Variants in PLCXD1 observed in about 807,000 individuals in gnomAD.
The protein encoded by PLCXD1 is phosphatidylinositol specific phospholipase C X domain containing 1, also known as PI-PLC X domain-containing protein 1.
Under a neutral mutation model 37.8 loss-of-function variants are expected in PLCXD1, and 45 were observed. The ratio of observed to expected loss-of-function variants is 1.19; its 90% CI spans 0.94 to 1.53. PLCXD1 has a LOEUF of 1.53. PLCXD1 is among the 40% of genes most tolerant of loss of function. The pLI, the probability that PLCXD1 is intolerant of heterozygous loss-of-function variation, is 0.00. For synonymous variants in PLCXD1, 246 were observed against 206.9 expected (o/e 1.19, Z -1.62); for missense variants, 539 against 454.7 (o/e 1.19, Z -1.69).
chrX:288,380 G>T (rs1469141940), intron 2 of PLCXD1, among the ~76,000 whole-genome samples: 1 of 151,434 alleles, frequency 6.6e-6, no homozygotes, highest in African/African-American at 2.4e-5. Context: ...TGGGCTTGTG[G>T]CCGCATCACT....
chrX:287,799 G>A (rs1039305015), intron 2 of PLCXD1, among the ~76,000 whole-genome samples: 11 of 150,498 alleles, frequency 7.3e-5, no homozygotes, highest in Admixed American at 4.0e-4. Flanking sequence ...TAACAACTAC[G>A]TGTCATAGGC....
chrX:302,646 C>T lies in PLCXD1; in HGVS notation c.*3311C>T, dbSNP rs946594588. 3 of 152,138 alleles carry T rather than the reference C, an allele frequency of 2.0e-5. No homozygotes were observed. The highest frequency in any genetic ancestry group is 7.2e-5 in the African/African-American group (3 of 41,434). 9.4% of individuals were successfully genotyped at this position (152,138 alleles called of 1,614,324 possible). ...GGAGTGTAGTAGTGTGATCCTGGCT[C>T]ACTGCAACCTCCACCTCCCGGGTTC... On this transcript the variant is annotated 3_prime_UTR_variant, in exon 7 of 7. Coordinates refer to ENST00000381657, the MANE Select transcript of PLCXD1 (RefSeq NM_018390.4).
At chrX:287,178 C>T (rs1321494849) in intron 2 of PLCXD1, among the ~76,000 whole-genome samples, 4 of 150,284 alleles carry the variant, frequency 2.7e-5, no homozygotes, top group African/African-American at 7.3e-5. Context: ...TATATACACA[C>T]ACACATTTAT....
chrX:292,208 G>C (rs1177319961), intron 5 of PLCXD1, among the ~76,000 whole-genome samples: 73 of 149,132 alleles, frequency 4.9e-4, no homozygotes, highest in African/African-American at 1.6e-3. Flanking sequence ...GTCATCCCAG[G>C]ACTTTGGGAG....
rs1420642452 is a variant in PLCXD1, at chrX:299,432, G to C, written c.*97G>C. ...TTTGGGCCAAATGTTGGTGATCATAGGACCGATGATAATACGTTTTCATTT... is the reference window on the plus strand; with the variant it reads ...TTTGGGCCAAATGTTGGTGATCATACGACCGATGATAATACGTTTTCATTT... On this transcript the variant is annotated 3_prime_UTR_variant, in exon 7 of 7. Transcript: ENST00000381657. The C allele has an allele frequency of 1.7e-5, 15 of 889,650 alleles. No homozygotes were observed. The highest frequency in any genetic ancestry group is 2.8e-5 in the Non-Finnish European group (15 of 530,924). 55.1% of individuals were successfully genotyped at this position (889,650 alleles called of 1,614,324 possible). A position where few individuals can be genotyped will look rare whatever the true frequency, so the allele number is the denominator to read the frequency against.
chrX:290,710 C>T lies in PLCXD1; in HGVS notation c.327C>T (p.His109=). ...GVRYLDLRIA[H]MLEGSEKNLH... is the part of the protein sequence containing the mutation. ...GGTACCTGGACCTGCGGATAGCCCA[C>T]ATGCTGGAGGGCTCGGAGAAGAACC... Residue 109 remains histidine (H), a synonymous_variant, in exon 4 of 7, where the codon CAC becomes CAT. Coordinates refer to ENST00000381657, the MANE Select transcript of PLCXD1 (RefSeq NM_018390.4). 1 of 1,613,758 alleles carries T rather than the reference C, an allele frequency of 6.2e-7. No individual in the cohort carries two copies. The highest frequency in any genetic ancestry group is 8.5e-7 in the Non-Finnish European group (1 of 1,179,752).
At position 284,306 on chromosome X, in the gene PLCXD1, C is replaced by G. The variant is rs748951337; in HGVS notation, c.119C>G (p.Ser40Cys). 3 of 1,613,222 alleles carry G rather than the reference C, an allele frequency of 1.9e-6. No homozygotes were observed. The highest frequency in any genetic ancestry group is 8.5e-7 in the Non-Finnish European group (1 of 1,179,848). Residue 40 changes from serine (S) to cysteine (C), a missense_variant, in exon 2 of 7, where the codon TCC becomes TGC. Ser to Cys is a moderately radical substitution (Grantham distance 112). Coordinates refer to ENST00000381657, the MANE Select transcript of PLCXD1 (RefSeq NM_018390.4). ...RLWDVPLHHLSIPGSHDTMTY... is the reference protein window; with the variant it reads ...RLWDVPLHHLCIPGSHDTMTY... ...TGGGATGTGCCCCTCCACCACCTCT[C>G]CATCCCAGGTGAGGTTGGGGTGGGG... is the stretch of plus-strand genomic sequence containing the variant.
chrX:293,130 G>A lies in PLCXD1; in HGVS notation c.645G>A (p.Trp215Ter), dbSNP rs140991275. 511 of 1,612,296 alleles carry A rather than the reference G, an allele frequency of 3.2e-4. 2 individuals are homozygous for A. In the East Asian group the frequency reaches 4.3e-3, roughly 13 times the overall value. The stretch of plus-strand genomic sequence containing the variant: ...CCTTGCGCCGGCACCACGAGCTGTG[G>A]CCAGGAGTCCCCTACTGGTGGGGAA... ...ESSLRRHHEL[W>*]PGVPYWWGNR... The change falls in exon 6 of 7, where the codon TGG (tryptophan) becomes TGA (stop). Residue 215 changes from tryptophan (W) to a stop codon, truncating the protein, a stop_gained. Coordinates refer to ENST00000381657, the MANE Select transcript of PLCXD1 (RefSeq NM_018390.4). LOFTEE classifies it high-confidence loss of function.
Position 288,889 on chromosome X carries a change from C to T in PLCXD1, c.264+20C>T. The T allele has an allele frequency of 6.2e-7, 1 of 1,610,086 alleles. No individual in the cohort carries two copies. Among genetic ancestry groups the T allele is most frequent in the Middle Eastern group, 2.2e-4 (1 of 4,598 alleles). The stretch of plus-strand genomic sequence containing the variant: ...ACCCAGGTACGGTCTGTGCCCCGTG[C>T]TGCTGACCTGGCCTGTCAGCTATGT... On this transcript the variant is annotated intron_variant, in intron 3 of 6. Transcript: ENST00000381657.
At chrX:284,829 G>A (rs1318649017) in intron 2 of PLCXD1, among the ~76,000 whole-genome samples, 1 of 152,216 alleles carries the variant, frequency 6.6e-6, no homozygotes, top group Non-Finnish European at 1.5e-5. Flanking sequence ...TGAATGCGGA[G>A]CAAAGTCACA....
Position 301,519 on chromosome X carries a change from CTG to C in PLCXD1, c.*2186_*2187del, listed in dbSNP as rs2070015764. ...GTAGTAGGGGCACAGTCATAGCTCA[CTG>C]TAACCTTCAACGCCTGGGCTGAAGC... is the stretch of plus-strand genomic sequence containing the variant. On this transcript the variant is annotated 3_prime_UTR_variant, in exon 7 of 7. Coordinates refer to ENST00000381657, the MANE Select transcript of PLCXD1 (RefSeq NM_018390.4). The C allele has an allele frequency of 6.6e-6, 1 of 152,192 alleles. No homozygotes were observed. The highest frequency in any genetic ancestry group is 1.5e-5 in the Non-Finnish European group (1 of 68,116). The allele number at this position is 152,192 out of a possible 1,614,324, so 9.4% of individuals were successfully genotyped here.
intron 2 of PLCXD1, among the ~76,000 whole-genome samples, chrX:287,736 T>C (rs2069504308): frequency 7.0e-6 from 1 of 143,326 alleles, no homozygotes; most frequent in Admixed American, 6.9e-5. Context: ...GTCATATATA[T>C]CTTAAATATA....
chrX:284,615 T>C (rs1168501492), intron 2 of PLCXD1, among the ~76,000 whole-genome samples: 6 of 141,824 alleles, frequency 4.2e-5, no homozygotes, highest in African/African-American at 8.0e-5. Context: ...CACGCACACA[T>C]GCACATCTGC....
intron 6 of PLCXD1, among the ~76,000 whole-genome samples, chrX:295,687 G>A (rs1249995713): frequency 6.6e-6 from 1 of 151,748 alleles, no homozygotes; most frequent in East Asian, 1.9e-4. Context: ...ACCACACCCG[G>A]CTAATTTTTT....
intron 3 of PLCXD1, 94 bp from the exon 4 acceptor site, chrX:290,554 A>G: frequency 7.4e-7 from 1 of 1,353,950 alleles, no homozygotes; most frequent in Non-Finnish European, 1.0e-6. Flanking sequence ...AGTGGGCAGC[A>G]GGACATGCGG....
chrX:294,375 C>G (rs920670542), intron 6 of PLCXD1, among the ~76,000 whole-genome samples: 22 of 151,038 alleles, frequency 1.5e-4, no homozygotes, highest in East Asian at 2.0e-4. Flanking sequence ...CCAGCTACTC[C>G]GGAGGCTGAG....
At chrX:291,728 G>T in intron 5 of PLCXD1, 74 bp downstream of exon 5, 4 of 1,487,664 alleles carry the variant, frequency 2.7e-6, no homozygotes, top group Non-Finnish European at 2.8e-6. Flanking sequence ...CATTTGCTGT[G>T]CCCTGGGTGT....
At chrX:289,640 T>C (rs1218572497) in intron 3 of PLCXD1, among the ~76,000 whole-genome samples, 1 of 150,542 alleles carries the variant, frequency 6.6e-6, no homozygotes, top group Non-Finnish European at 1.5e-5. Context: ...GCCTCCTGAG[T>C]AGCTGGGACT....
At chrX:292,692 A>C (rs763492533) in intron 5 of PLCXD1, among the ~76,000 whole-genome samples, 31 of 151,844 alleles carry the variant, frequency 2.0e-4, no homozygotes, top group African/African-American at 7.5e-4. Flanking sequence ...GGCTCACCGC[A>C]ACCTCTGCCT....
Sources: gnomAD v4.1 joint callset for allele counts (sites outside exome capture counted in the v4.1 genomes callset) on GRCh38, gnomAD v4.1.1 for gene constraint, MANE v1.5 for transcripts, NCBI Gene and HGNC (gene_info 2026-07-23, HGNC 2026-07-21) for gene names.